Variants in GPBP1L1 observed in about 807,000 individuals in gnomAD.
GPBP1L1 encodes GC-rich promoter binding protein 1 like 1.
In GPBP1L1, 23 loss-of-function variants were observed where a neutral mutation model predicts 52.5. The observed-to-expected ratio is 0.44, with a 90% CI of 0.32 to 0.62. GPBP1L1 has a LOEUF of 0.62. GPBP1L1 is among the 20% of genes least tolerant of loss of function. GPBP1L1 has a pLI of 0.06. For missense variants in GPBP1L1, 596 were observed against 579.3 expected (o/e 1.03, Z -0.30); for synonymous variants, 243 against 203.1 (o/e 1.20, Z -1.67).
intron 11 of GPBP1L1, 72 bp downstream of exon 11, chr1:45,630,405 CTGAGA>C (rs1210891224): frequency 1.3e-6 from 2 of 1,521,044 alleles, no homozygotes; most frequent in Admixed American, 1.9e-5. Flanking sequence ...ACCTATCTAT[CTGAGA>C]TATCTTCTCC....
intron 2 of GPBP1L1, among the ~76,000 whole-genome samples, chr1:45,670,784 T>G (rs1645064341): frequency 6.8e-6 from 1 of 147,520 alleles, no homozygotes; most frequent in African/African-American, 2.5e-5. Context: ...TACTACCATA[T>G]GTCTTTTTTT....
Position 45,683,751 on chromosome 1 carries a change from CAA to C in GPBP1L1, c.-1098+1823_-1098+1824del, listed in dbSNP as rs55857116. On this transcript the variant is annotated intron_variant, in intron 2 of 12. Transcript: ENST00000355105. ...CCTCCCCCTCCTCTCTAATAAAATACAAAAAAAAAAAAAAAAAAAAATTAGCT... is the reference window on the plus strand; with the variant it reads ...CCTCCCCCTCCTCTCTAATAAAATACAAAAAAAAAAAAAAAAAAATTAGCT... 2.5e-3 allele frequency among the ~76,000 whole-genome samples: 234 copies of C among 93,130 alleles called. 3 individuals carry two copies. Among genetic ancestry groups the C allele is most frequent in the African/African-American group, 9.7e-3 (213 of 22,032 alleles). The allele number at this position is 93,130 out of a possible 152,430, so 61.1% of individuals were successfully genotyped here. A position where few individuals can be genotyped will look rare whatever the true frequency, so the allele number is the denominator to read the frequency against.
chr1:45,661,856 T>C (rs1005329985), intron 2 of GPBP1L1, among the ~76,000 whole-genome samples: 1 of 152,230 alleles, frequency 6.6e-6, no homozygotes, highest in African/African-American at 2.4e-5. Context: ...AAATAATAGG[T>C]CTTTCAGATA....
At chr1:45,640,512 G>C in intron 7 of GPBP1L1, 109 bp from the exon 8 acceptor site, 1 of 855,084 alleles carries the variant, frequency 1.2e-6, no homozygotes, top group Admixed American at 2.0e-5. Context: ...AGTTGAGACA[G>C]AGGGATTAAA....
At chr1:45,628,549 A>AAGGG (rs1644487557) in intron 12 of GPBP1L1, 141 bp from the exon 13 acceptor site, 1 of 655,128 alleles carries the variant, frequency 1.5e-6, no homozygotes, top group African/African-American at 1.8e-5. Flanking sequence ...ACCCTCTGAG[A>AAGGG]TCTCTTATAC....
At chr1:45,663,194 A>G (rs537075305) in intron 2 of GPBP1L1, among the ~76,000 whole-genome samples, 71 of 152,232 alleles carry the variant, frequency 4.7e-4, no homozygotes, top group Non-Finnish European at 5.9e-4. Context: ...AAAGATATAA[A>G]TAACTGTCTG....
chr1:45,653,945 C>T (rs566889460), intron 6 of GPBP1L1, among the ~76,000 whole-genome samples: 17 of 151,944 alleles, frequency 1.1e-4, no homozygotes, highest in South Asian at 6.3e-4. Flanking sequence ...GTGATCCACC[C>T]GCCTCGGCTT....
intron 6 of GPBP1L1, among the ~76,000 whole-genome samples, chr1:45,643,003 A>G (rs958142530): frequency 6.6e-5 from 10 of 152,222 alleles, no homozygotes; most frequent in Non-Finnish European, 1.2e-4. Flanking sequence ...CAGTTTTGCT[A>G]TAAAAACTTC....
intron 6 of GPBP1L1, among the ~76,000 whole-genome samples, chr1:45,647,414 G>T (rs755610344): frequency 1.3e-5 from 2 of 152,080 alleles, no homozygotes; most frequent in Non-Finnish European, 2.9e-5. Context: ...TTCTGGAAGG[G>T]TATAGTGGCC....
chr1:45,662,249 T>A (rs1006699935), intron 2 of GPBP1L1, among the ~76,000 whole-genome samples: 4 of 152,270 alleles, frequency 2.6e-5, no homozygotes, highest in African/African-American at 9.6e-5. Context: ...CTCAGAGACC[T>A]CAGCTTCCCG....
In GPBP1L1 at chr1:45,630,621, AG is replaced by A; in HGVS notation, c.1045-16del. On this transcript the variant is annotated splice_polypyrimidine_tract_variant and intron_variant, in intron 10 of 12. Transcript: ENST00000355105. The stretch of plus-strand genomic sequence containing the variant: ...TTGTCCTCCAACTGCAATAAGGAAA[AG>A]GAAGGACACAGTTGGTTTAAGGTTC... 2 of 1,613,600 alleles carry A rather than the reference AG, an allele frequency of 1.2e-6. No individual in the cohort carries two copies. Among genetic ancestry groups the A allele is most frequent in the South Asian group, 1.1e-5 (1 of 91,024 alleles).
intron 6 of GPBP1L1, among the ~76,000 whole-genome samples, chr1:45,643,115 G>C (rs1644694893): frequency 6.6e-6 from 1 of 152,216 alleles, no homozygotes; most frequent in Non-Finnish European, 1.5e-5. Flanking sequence ...ACTTGAAAGA[G>C]AAGTGCTATC....
Position 45,630,557 on chromosome 1 carries a change from C to T in GPBP1L1, c.1094G>A (p.Cys365Tyr). 6.2e-7 allele frequency: 1 copy of T among 1,614,030 alleles called. No homozygotes were observed. Among genetic ancestry groups the T allele is most frequent in the Non-Finnish European group, 8.5e-7 (1 of 1,179,896 alleles). Residue 365 changes from cysteine (C) to tyrosine (Y), a missense_variant, in exon 11 of 13, where the codon TGT becomes TAT. Coordinates refer to ENST00000355105, the MANE Select transcript of GPBP1L1 (RefSeq NM_021639.5). ...PEPKENGEEGCHQNGLALPVV... is the reference protein window; with the variant it reads ...PEPKENGEEGYHQNGLALPVV... ...AGGGAGGGCAAGACCATTTTGATGA[C>T]AGCCTTCCTCCCCATTTTCCTTTGG...
intron 8 of GPBP1L1, chr1:45,635,619 T>G (rs902731364): frequency 6.6e-6 from 1 of 152,248 alleles, no homozygotes; most frequent in African/African-American, 2.4e-5. Flanking sequence ...AAAATCATTA[T>G]GCCCCACACC....
intron 6 of GPBP1L1, among the ~76,000 whole-genome samples, chr1:45,647,317 A>C (rs1344832531): frequency 3.3e-5 from 5 of 151,606 alleles, no homozygotes; most frequent in Non-Finnish European, 7.4e-5. Flanking sequence ...TTTTATCTGA[A>C]CCTTTCCTTT....
Position 45,627,534 on chromosome 1 carries a change from G to T in GPBP1L1, c.*722C>A. The T allele has an allele frequency of 6.6e-6, 1 of 152,608 alleles. No individual in the cohort carries two copies. Among genetic ancestry groups the T allele is most frequent in the South Asian group, 2.1e-4 (1 of 4,824 alleles). The allele number at this position is 152,608 out of a possible 1,614,324, so 9.5% of individuals were successfully genotyped here. ...TATTCCAAGTTAGTTATTTTATGCA[G>T]TAGTTTCCCCCTCGAGACTTGTGAT... On this transcript the variant is annotated 3_prime_UTR_variant, in exon 13 of 13. Transcript: ENST00000355105.
Position 45,630,478 on chromosome 1 carries a change from T to G in GPBP1L1, c.1169+4A>C, listed in dbSNP as rs771160764. ...GCATGCCCTGTGATGTCCTCCTCAC[T>G]TACCTGTGCTCTGCTTCTAGAGAGT... is the stretch of plus-strand genomic sequence containing the variant. On this transcript the variant is annotated splice_donor_region_variant and intron_variant, in intron 11 of 12. Coordinates refer to ENST00000355105, the MANE Select transcript of GPBP1L1 (RefSeq NM_021639.5). 1.9e-6 allele frequency: 3 copies of G among 1,613,782 alleles called. No individual in the cohort carries two copies. In the South Asian group the frequency reaches 3.3e-5, roughly 18 times the overall value.
At chr1:45,640,843 C>A (rs1644662468) in intron 7 of GPBP1L1, among the ~76,000 whole-genome samples, 1 of 151,992 alleles carries the variant, frequency 6.6e-6, no homozygotes, top group Non-Finnish European at 1.5e-5. Context: ...TGTGGCAAAT[C>A]CCCATCTTTA....
chr1:45,650,212 A>C (rs1228282342), intron 6 of GPBP1L1, among the ~76,000 whole-genome samples: 1 of 152,070 alleles, frequency 6.6e-6, no homozygotes, highest in African/African-American at 2.4e-5. Flanking sequence ...AACACATCCA[A>C]GTCTCCTAAT....
Sources: gnomAD v4.1 joint callset for allele counts (sites outside exome capture counted in the v4.1 genomes callset) on GRCh38, gnomAD v4.1.1 for gene constraint, MANE v1.5 for transcripts, NCBI Gene and HGNC (gene_info 2026-07-23, HGNC 2026-07-21) for gene names.